Variants in TRERF1 observed in about 807,000 individuals in gnomAD.
TRERF1 encodes transcriptional regulating factor 1, also known as transcriptional-regulating factor 1.
A neutral mutation model predicts 122.9 loss-of-function variants in TRERF1; 27 were observed. The observed-to-expected ratio is 0.22, with a 90% confidence interval of 0.16 to 0.30. TRERF1 has a LOEUF of 0.30. TRERF1 is among the 10% of genes least tolerant of loss of function. TRERF1 has a pLI of 1.00. For synonymous variants in TRERF1, 636 were observed against 641.7 expected, an observed-to-expected ratio of 0.99 and a Z score of 0.13; for missense variants, 1,248 against 1,560.3, an observed-to-expected ratio of 0.80 and a Z score of 3.37.
intron 8 of TRERF1, among the ~76,000 whole-genome samples, chr6:42,262,466 G>GACA (rs747014228): frequency 1.6e-4 from 1 of 6,406 alleles, no homozygotes; most frequent in African/African-American, 8.3e-4. Flanking sequence ...GAGAGAGAGA[G>GACA]GAGAGAGAGA....
chr6:42,440,697 T>A (rs1019370356), intron 2 of TRERF1, among the ~76,000 whole-genome samples: 1 of 152,196 alleles, frequency 6.6e-6, no homozygotes, highest in African/African-American at 2.4e-5. Flanking sequence ...AGAGAAAATG[T>A]ATTTTAATTC....
intron 3 of TRERF1, among the ~76,000 whole-genome samples, chr6:42,352,414 A>G (rs260227): frequency 0.1 from 15,272 of 152,254 alleles, 1,318 homozygotes; most frequent in East Asian, 0.3. Context: ...TAGTCAAATT[A>G]TAGGTATATT....
intron 16 of TRERF1, among the ~76,000 whole-genome samples, chr6:42,234,427 T>C (rs1771601957): frequency 6.6e-6 from 1 of 151,940 alleles, no homozygotes; most frequent in Non-Finnish European, 1.5e-5. Context: ...AACCTCTGCC[T>C]CCTGGGTTTA....
rs1561988769 is a variant in TRERF1 at position 42,323,404 on chromosome 6, G to A, written c.-370-22655C>T. Among the ~76,000 whole-genome samples the A allele has an allele frequency of 2.6e-5, 4 of 151,862 alleles. No individual in the cohort carries two copies. The East Asian group carries it at 7.7e-4, about 29-fold the overall frequency. On this transcript the variant is annotated intron_variant, in intron 3 of 17. Coordinates refer to ENST00000372922, the Ensembl canonical transcript of TRERF1. ...AGTAGAGACGGGGTTTAACCATATT[G>A]GCCAGGCTGGTCTCAAACTCCTGAC...
At chr6:42,428,274 G>C (rs1783943771) in intron 2 of TRERF1, among the ~76,000 whole-genome samples, 1 of 152,200 alleles carries the variant, frequency 6.6e-6, no homozygotes, top group African/African-American at 2.4e-5. Context: ...TAATTTATCA[G>C]TACCATCTGC....
chr6:42,232,453 G>C lies in TRERF1; in HGVS notation c.3278+228C>G, dbSNP rs1000153988. ...AAGAGTGAAGTTTTGTAACTTACAGGTTCACTCTCTGAAGATATCCATCCT... is the reference window on the plus strand; with the variant it reads ...AAGAGTGAAGTTTTGTAACTTACAGCTTCACTCTCTGAAGATATCCATCCT... On this transcript the variant is annotated intron_variant, in intron 17 of 17. Coordinates refer to ENST00000372922, the Ensembl canonical transcript of TRERF1. This position sits in a 1 kb window ranked among gnomAD's most constrained non-coding sequence, Gnocchi z 4.5. 7.9e-5 allele frequency among the ~76,000 whole-genome samples: 12 copies of C among 152,092 alleles called. No individual in the cohort carries two copies. The highest frequency in any genetic ancestry group is 2.9e-4 in the African/African-American group (12 of 41,464).
At chr6:42,418,332 C>T (rs1281270882) in intron 2 of TRERF1, among the ~76,000 whole-genome samples, 3 of 141,554 alleles carry the variant, frequency 2.1e-5, no homozygotes, top group East Asian at 2.1e-4. Context: ...TTCAATGGCG[C>T]GATCTTGGCT....
chr6:42,309,136 G>C (rs574332528), intron 3 of TRERF1, among the ~76,000 whole-genome samples: 1 of 152,276 alleles, frequency 6.6e-6, no homozygotes, highest in Non-Finnish European at 1.5e-5. Flanking sequence ...TCTGAGAGGG[G>C]TGGTCCCCAA....
chr6:42,404,320 A>G (rs941712606), intron 2 of TRERF1, among the ~76,000 whole-genome samples: 3 of 152,102 alleles, frequency 2.0e-5, no homozygotes, highest in Admixed American at 6.5e-5. Context: ...GCTGGGGGTC[A>G]CCGTAGACTC....
intron 2 of TRERF1, among the ~76,000 whole-genome samples, chr6:42,436,764 C>T (rs1398253483): frequency 1.8e-4 from 24 of 132,086 alleles, no homozygotes; most frequent in African/African-American, 6.2e-4. Flanking sequence ...TCCAAATTCT[C>T]TATAATCACT....
Position 42,269,641 on chromosome 6 carries a change from A to T in TRERF1, c.-51T>A, listed in dbSNP as rs1370111611. The T allele has an allele frequency of 6.3e-7, 1 of 1,580,060 alleles. No homozygotes were observed. The highest frequency in any genetic ancestry group is 1.3e-5 in the African/African-American group (1 of 74,104). ...CAGCCACAAAACCATAAAAAAGGTA[A>T]ATAAAACAAACCCAAAAGGACTGAA... On this transcript the variant is annotated 5_prime_UTR_variant, in exon 5 of 18. Coordinates refer to ENST00000372922, the Ensembl canonical transcript of TRERF1. This position sits in a 1 kb window ranked among gnomAD's most constrained non-coding sequence, Gnocchi z 4.9.
At chr6:42,321,065 G>C (rs1763363490) in intron 3 of TRERF1, among the ~76,000 whole-genome samples, 1 of 151,942 alleles carries the variant, frequency 6.6e-6, no homozygotes, top group African/African-American at 2.4e-5. Flanking sequence ...GGCTGAAAAG[G>C]GGGGAATTTT....
chr6:42,314,913 T>C (rs988139600), intron 3 of TRERF1, among the ~76,000 whole-genome samples: 33 of 152,190 alleles, frequency 2.2e-4, no homozygotes, highest in Non-Finnish European at 2.2e-4. Context: ...ATAAACTTGA[T>C]GGAGCGAATA....
intron 2 of TRERF1, among the ~76,000 whole-genome samples, chr6:42,381,921 C>A (rs1398166800): frequency 6.6e-6 from 1 of 150,492 alleles, no homozygotes; most frequent in African/African-American, 2.5e-5. Flanking sequence ...AAGGCTGGAA[C>A]TGCCAATGGC....
Position 42,269,796 on chromosome 6 carries a change from C to A in TRERF1, c.-206G>T. On this transcript the variant is annotated 5_prime_UTR_variant, in exon 5 of 18. An upstream open reading frame in the 5' UTR gains an earlier in-frame stop. Coordinates refer to ENST00000372922, the Ensembl canonical transcript of TRERF1. The surrounding 1 kb of genome is among the most constrained non-coding windows in gnomAD (Gnocchi z 4.9). ...AGGGCGGGGGGTTTCACATCCTCTC[C>A]CTGGCTGAGGTATAGACCACACAGC... 1.4e-6 allele frequency: 2 copies of A among 1,405,868 alleles called. No individual in the cohort carries two copies. The highest frequency in any genetic ancestry group is 9.3e-7 in the Non-Finnish European group (1 of 1,075,430). The allele number at this position is 1,405,868 out of a possible 1,614,324, so 87.1% of individuals were successfully genotyped here. A position where few individuals can be genotyped will look rare whatever the true frequency, so the allele number is the denominator to read the frequency against.
chr6:42,408,209 A>AT (rs1491367009), intron 2 of TRERF1, among the ~76,000 whole-genome samples: 45 of 66,670 alleles, frequency 6.7e-4, no homozygotes, highest in Non-Finnish European at 1.1e-3. Flanking sequence ...CTATATAAAT[A>AT]AATATATATA....
rs140233224 is a variant in TRERF1, at chr6:42,236,661, T to G, written c.2860-250A>C. 3.8e-3 allele frequency among the ~76,000 whole-genome samples: 574 copies of G among 152,288 alleles called. 4 individuals carry two copies. Among genetic ancestry groups the G allele is most frequent in the Middle Eastern group, 0.027 (8 of 294 alleles). On this transcript the variant is annotated intron_variant, in intron 15 of 17. Transcript: ENST00000372922. ...ACTTCGGGACCCCTCATCACTTATA[T>G]AAAGATATGGTGAGGCAGAGAGGAG...
At chr6:42,316,047 TG>T (rs1323660545) in intron 3 of TRERF1, among the ~76,000 whole-genome samples, 1 of 152,098 alleles carries the variant, frequency 6.6e-6, no homozygotes, top group African/African-American at 2.4e-5. Flanking sequence ...TCTGCTCCAC[TG>T]GGGGTGGGGG....
chr6:42,260,739 C>T (rs894886251), intron 8 of TRERF1, among the ~76,000 whole-genome samples: 1 of 152,094 alleles, frequency 6.6e-6, no homozygotes, highest in Non-Finnish European at 1.5e-5. Flanking sequence ...AGGGTGGCGC[C>T]TGGGTAGGAA....
Sources: gnomAD v4.1 joint callset for allele counts (sites outside exome capture counted in the v4.1 genomes callset) on GRCh38, gnomAD v4.1.1 for gene constraint, Gnocchi (gnomAD v3.1) non-coding constraint, MANE v1.5 for transcripts, NCBI Gene and HGNC (gene_info 2026-07-23, HGNC 2026-07-21) for gene names.